The following NAV2 variants were observed in gnomAD, a reference collection of about 807,000 sequenced individuals.
The protein encoded by NAV2 is helicase, APC down-regulated 1.
In NAV2, 54 loss-of-function variants were observed where a neutral mutation model predicts 223.2. That is an observed-to-expected ratio of 0.24 (90% CI 0.19 to 0.30). NAV2 has a LOEUF of 0.30. Among genes scored for constraint, NAV2 ranks in the 10% least tolerant of loss-of-function variants. The pLI is 1.00. For synonymous variants in NAV2, 1,279 were observed against 1,239.3 expected, an observed-to-expected ratio of 1.03 and a Z score of -0.67; for missense variants, 2,806 against 3,147.5, an observed-to-expected ratio of 0.89 and a Z score of 2.60.
At position 19,879,823 on chromosome 11, in the gene NAV2, G is replaced by A. The variant is rs56351215; in HGVS notation, c.512-46G>A. 1,465 of 1,612,362 alleles carry A rather than the reference G, an allele frequency of 9.1e-4. 14 individuals carry two copies. The African/African-American group carries it at 0.017, about 19-fold the overall frequency. On this transcript the variant is annotated intron_variant, in intron 4 of 37. Coordinates refer to ENST00000349880, the MANE Select transcript of NAV2 (RefSeq NM_145117.5). ...CCGACTGAAACAGCCCATTGAACAG[G>A]AAGAAGAGCTCCCCATCTGACAAGA...
intron 1 of NAV2, among the ~76,000 whole-genome samples, chr11:19,778,535 A>G (rs2056476491): frequency 6.6e-6 from 1 of 151,972 alleles, no homozygotes; most frequent in South Asian, 2.1e-4. Context: ...CAAAAAAAAC[A>G]AAAAGAAAGA....
intron 1 of NAV2, among the ~76,000 whole-genome samples, chr11:19,636,045 G>A (rs894600444): frequency 6.6e-6 from 1 of 152,208 alleles, no homozygotes; most frequent in African/African-American, 2.4e-5. Context: ...CTCATGAAAT[G>A]ACAACGAACT....
At chr11:19,922,507 G>T (rs1010338702) in intron 6 of NAV2, among the ~76,000 whole-genome samples, 2 of 152,004 alleles carry the variant, frequency 1.3e-5, no homozygotes, top group African/African-American at 4.8e-5. Context: ...TTGAACTTCG[G>T]TATCTATTAC....
intron 2 of NAV2, among the ~76,000 whole-genome samples, chr11:19,838,687 G>A (rs1027402676): frequency 3.3e-5 from 5 of 152,174 alleles, no homozygotes; most frequent in East Asian, 3.9e-4. Flanking sequence ...GCAGTGTTAC[G>A]ATCTTGGCTC....
chr11:19,938,238 G>A (rs1295559522), intron 7 of NAV2, among the ~76,000 whole-genome samples: 4 of 152,204 alleles, frequency 2.6e-5, no homozygotes, highest in African/African-American at 9.7e-5. Flanking sequence ...AGACAGTGAT[G>A]TCATCACGTC....
At chr11:19,381,519 C>T (rs1173496681) in intron 1 of NAV2, among the ~76,000 whole-genome samples, 2 of 152,130 alleles carry the variant, frequency 1.3e-5, no homozygotes, top group Non-Finnish European at 2.9e-5. Flanking sequence ...CATACGGAGA[C>T]CCTGACTCTT....
At chr11:19,681,570 A>G (rs1172753969) in intron 1 of NAV2, among the ~76,000 whole-genome samples, 1 of 152,152 alleles carries the variant, frequency 6.6e-6, no homozygotes, top group Non-Finnish European at 1.5e-5. Context: ...AAGTCCCTCT[A>G]AAGAGGTGAC....
chr11:20,066,684 C>T (rs2059062191), intron 20 of NAV2, among the ~76,000 whole-genome samples: 1 of 152,128 alleles, frequency 6.6e-6, no homozygotes, highest in Non-Finnish European at 1.5e-5. Context: ...TGAATCATAC[C>T]CACTTTGTAT....
intron 22 of NAV2, among the ~76,000 whole-genome samples, chr11:20,074,807 A>T (rs1329634482): frequency 1.8e-5 from 2 of 108,972 alleles, no homozygotes; most frequent in Non-Finnish European, 1.8e-5. Flanking sequence ...ATATTCCTTC[A>T]TCCCTTTATT....
intron 1 of NAV2, among the ~76,000 whole-genome samples, chr11:19,358,925 G>C (rs1853775481): frequency 6.6e-6 from 1 of 152,198 alleles, no homozygotes; most frequent in Non-Finnish European, 1.5e-5. Context: ...CACCTCACAT[G>C]TGTAAATCTA....
At chr11:19,817,612 C>T (rs1458952021) in intron 1 of NAV2, among the ~76,000 whole-genome samples, 1 of 152,092 alleles carries the variant, frequency 6.6e-6, no homozygotes, top group Non-Finnish European at 1.5e-5. Flanking sequence ...AAACCAAAGA[C>T]ACTCATGTGA....
At chr11:19,639,925 G>C (rs2047615513) in intron 1 of NAV2, among the ~76,000 whole-genome samples, 1 of 152,344 alleles carries the variant, frequency 6.6e-6, no homozygotes, top group South Asian at 2.1e-4. Flanking sequence ...GGCAGCCAAG[G>C]GGATGGCTCA....
At chr11:19,999,425 A>G (rs1307100518) in intron 11 of NAV2, among the ~76,000 whole-genome samples, 1 of 152,176 alleles carries the variant, frequency 6.6e-6, no homozygotes, top group Non-Finnish European at 1.5e-5. Flanking sequence ...CTGGAGCACA[A>G]TGGCGCAATC....
In NAV2 at chr11:19,892,327, T is replaced by C. The variant is rs1211833917; in HGVS notation, c.771-107T>C. On this transcript the variant is annotated intron_variant, in intron 5 of 37. Transcript: ENST00000349880. ...CTGTGACTGGCAAACCTCCACACAA[T>C]GTCTTGGATAGTTTCTTTTGCCTCC... The C allele has an allele frequency of 2.9e-6, 3 of 1,051,652 alleles. No individual in the cohort carries two copies. In the African/African-American group the frequency reaches 4.8e-5, roughly 17 times the overall value. The allele number at this position is 1,051,652 out of a possible 1,614,324, so 65.1% of individuals were successfully genotyped here.
chr11:19,537,975 G>C (rs2044235935), intron 1 of NAV2, among the ~76,000 whole-genome samples: 1 of 152,220 alleles, frequency 6.6e-6, no homozygotes, highest in South Asian at 2.1e-4. Flanking sequence ...AAAGAAATGA[G>C]TAACTTACCA....
At chr11:19,543,095 C>T (rs192404458) in intron 1 of NAV2, among the ~76,000 whole-genome samples, 1 of 152,366 alleles carries the variant, frequency 6.6e-6, no homozygotes, top group East Asian at 1.9e-4. Flanking sequence ...CATCCTTGGT[C>T]ATCTTTAAGA....
rs1047848496 is a variant in NAV2 at position 19,574,377 on chromosome 11, C to A, written c.75+223350C>A. On this transcript the variant is annotated intron_variant, in intron 1 of 37. Transcript: ENST00000360655. ...TAACCACAGGCCTGGCACTATTGAG[C>A]AGTAGGTGCTCAATAAATGTTAATT... is the stretch of plus-strand genomic sequence containing the variant. 2.0e-5 allele frequency among the ~76,000 whole-genome samples: 3 copies of A among 152,154 alleles called. No individual in the cohort carries two copies. In the East Asian group the frequency reaches 5.8e-4, roughly 29 times the overall value.
At chr11:19,403,684 G>C (rs148514251) in intron 1 of NAV2, among the ~76,000 whole-genome samples, 283 of 152,304 alleles carry the variant, frequency 1.9e-3, no homozygotes, top group African/African-American at 6.7e-3. Context: ...AACAAAACGG[G>C]CAAAGTCCTT....
At chr11:19,409,354 T>C (rs1850042362) in intron 1 of NAV2, among the ~76,000 whole-genome samples, 2 of 152,242 alleles carry the variant, frequency 1.3e-5, no homozygotes, top group Admixed American at 1.3e-4. Context: ...TGGTCTTTCA[T>C]TAACAGAACT....
Sources: allele counts gnomAD v4.1 joint callset (sites outside exome capture counted in the v4.1 genomes callset), GRCh38; gene constraint gnomAD v4.1.1; transcripts MANE v1.5; gene names NCBI Gene and HGNC (gene_info 2026-07-23, HGNC 2026-07-21).